Variants in TBC1D1 observed in about 807,000 individuals in gnomAD.
TBC1D1 encodes the protein TBC1 (tre-2/USP6, BUB2, cdc16) domain family, member 1.
A neutral mutation model predicts 125.6 loss-of-function variants in TBC1D1; 89 were observed. That is an observed-to-expected ratio of 0.71 (90% CI 0.60 to 0.85). TBC1D1 has a LOEUF of 0.85. Among genes scored for constraint, TBC1D1 ranks in the 40% least tolerant of loss-of-function variants. The pLI, the probability that TBC1D1 is intolerant of heterozygous loss-of-function variation, is 0.00. For synonymous variants in TBC1D1, 565 were observed against 564.1 expected (o/e 1.00, Z -0.02); for missense variants, 1,377 against 1,469.2 (o/e 0.94, Z 1.03).
chr4:37,900,013 C>A (rs573704707), intron 1 of TBC1D1, among the ~76,000 whole-genome samples: 48 of 151,640 alleles, frequency 3.2e-4, no homozygotes, highest in Admixed American at 2.0e-4. Flanking sequence ...CCCAGCTACT[C>A]GGGAGGCTGA....
At chr4:37,993,078 A>G (rs942101252) in intron 2 of TBC1D1, among the ~76,000 whole-genome samples, 1 of 152,188 alleles carries the variant, frequency 6.6e-6, no homozygotes, top group Non-Finnish European at 1.5e-5. Context: ...TGTTGGGATT[A>G]CAGGCGTGAG....
chr4:37,917,092 G>A (rs1719894131), intron 2 of TBC1D1, among the ~76,000 whole-genome samples: 2 of 151,474 alleles, frequency 1.3e-5, no homozygotes, highest in African/African-American at 4.8e-5. Flanking sequence ...TTTGTATGTT[G>A]CCACAGAGTG....
At chr4:38,135,894 GTGTGTGTGTA>G (rs1560284306) in intron 19 of TBC1D1, among the ~76,000 whole-genome samples, 1 of 145,552 alleles carries the variant, frequency 6.9e-6, no homozygotes, top group African/African-American at 2.6e-5. Context: ...GTGTATATAT[GTGTGTGTGTA>G]TATATACGTG....
intron 2 of TBC1D1, among the ~76,000 whole-genome samples, chr4:38,009,652 A>G (rs1019940085): frequency 6.6e-6 from 1 of 152,250 alleles, no homozygotes; most frequent in African/African-American, 2.4e-5. Flanking sequence ...CATATGAAAC[A>G]GTATTCACTT....
intron 11 of TBC1D1, 46 bp from the exon 12 acceptor site, chr4:38,051,853 C>T (rs931082084): frequency 3.9e-6 from 6 of 1,528,406 alleles, no homozygotes; most frequent in Admixed American, 2.0e-5. Flanking sequence ...CTGTCGGCGC[C>T]CCCTCTCCTG....
intron 3 of TBC1D1, among the ~76,000 whole-genome samples, chr4:38,016,920 G>T (rs1178059132): frequency 6.6e-6 from 1 of 152,248 alleles, no homozygotes. Context: ...GGGAGGGCAA[G>T]AGTAGGATGG....
At chr4:37,926,663 A>T (rs1432155237) in intron 2 of TBC1D1, among the ~76,000 whole-genome samples, 1 of 152,176 alleles carries the variant, frequency 6.6e-6, no homozygotes, top group Non-Finnish European at 1.5e-5. Flanking sequence ...TTACTGTCCA[A>T]ACCTGGTCCC....
At chr4:38,083,969 G>T (rs1307842696) in intron 12 of TBC1D1, among the ~76,000 whole-genome samples, 1 of 133,188 alleles carries the variant, frequency 7.5e-6, no homozygotes, top group Non-Finnish European at 1.5e-5. Context: ...ACAGAGTCTC[G>T]CTCTGTCGCC....
intron 2 of TBC1D1, chr4:37,960,378 T>C (rs1560533654): frequency 6.9e-6 from 10 of 1,439,850 alleles, no homozygotes; most frequent in Middle Eastern, 1.8e-4. Context: ...TATCTAAATA[T>C]AAAGTGGGAC....
intron 2 of TBC1D1, among the ~76,000 whole-genome samples, chr4:37,933,425 A>C (rs1723709585): frequency 7.8e-6 from 1 of 128,164 alleles, no homozygotes; most frequent in South Asian, 2.6e-4. Context: ...GTATACACAC[A>C]TATGTTTTAC....
At chr4:38,084,155 C>T (rs1439461228) in intron 12 of TBC1D1, among the ~76,000 whole-genome samples, 5 of 152,112 alleles carry the variant, frequency 3.3e-5, no homozygotes, top group East Asian at 3.9e-4. Context: ...AGGATGGTCT[C>T]GATCTCCTGA....
At chr4:38,065,085 C>T (rs1179389382) in intron 12 of TBC1D1, among the ~76,000 whole-genome samples, 2 of 152,176 alleles carry the variant, frequency 1.3e-5, no homozygotes, top group Admixed American at 6.5e-5. Context: ...CAACTGCCAC[C>T]ACACCTGGCT....
intron 19 of TBC1D1, among the ~76,000 whole-genome samples, chr4:38,135,134 C>T (rs10517470): frequency 2.6e-5 from 4 of 152,092 alleles, no homozygotes; most frequent in Non-Finnish European, 5.9e-5. Flanking sequence ...GAAGGGTGTT[C>T]AATACAGTAC....
Position 37,977,257 on chromosome 4 carries a change from C to T in TBC1D1, c.418-37252C>T, listed in dbSNP as rs1391822645. ...CTCCCCTCCTCTCCCCTCCTCCCCC[C>T]GCCCACCCCCTCCCCGCGCTCTCCC... On this transcript the variant is annotated intron_variant, in intron 2 of 19. Transcript: ENST00000261439. This position sits in a 1 kb window ranked among gnomAD's most constrained non-coding sequence, Gnocchi z 4.3. 6.7e-6 allele frequency: 1 copy of T among 148,414 alleles called. No individual in the cohort carries two copies. The allele number at this position is 148,414 out of a possible 1,614,324, so 9.2% of individuals were successfully genotyped here.
At chr4:38,006,742 G>C in intron 2 of TBC1D1, 1 of 407,532 alleles carries the variant, frequency 2.5e-6, no homozygotes. Flanking sequence ...GCCTCCCAAA[G>C]TGCTGGGATT....
intron 2 of TBC1D1, among the ~76,000 whole-genome samples, chr4:37,980,522 C>T (rs1039631789): frequency 2.6e-5 from 4 of 152,180 alleles, no homozygotes; most frequent in Non-Finnish European, 4.4e-5. Context: ...CAAGTAACTT[C>T]CAGAATTTAT....
chr4:37,936,501 G>A (rs773432078), intron 2 of TBC1D1, among the ~76,000 whole-genome samples: 35 of 152,166 alleles, frequency 2.3e-4, no homozygotes, highest in Non-Finnish European at 4.3e-4. Context: ...CTAGCAGAGT[G>A]CCTGGAATAG....
chr4:38,035,090 G>T (rs575195451), intron 7 of TBC1D1, among the ~76,000 whole-genome samples: 2 of 152,266 alleles, frequency 1.3e-5, no homozygotes, highest in South Asian at 4.1e-4. Context: ...AAAGAAGAAA[G>T]AAATGTACAT....
intron 2 of TBC1D1, among the ~76,000 whole-genome samples, chr4:37,983,639 C>T (rs1734848820): frequency 6.6e-6 from 1 of 152,152 alleles, no homozygotes; most frequent in African/African-American, 2.4e-5. Context: ...AGTAAACTCA[C>T]AGATGTTTTG....
Sources: allele counts gnomAD v4.1 joint callset (sites outside exome capture counted in the v4.1 genomes callset), GRCh38; gene constraint gnomAD v4.1.1; non-coding constraint Gnocchi (gnomAD v3.1); transcripts MANE v1.5; gene names NCBI Gene and HGNC (gene_info 2026-07-23, HGNC 2026-07-21).